Variants in COBL observed in about 807,000 individuals in gnomAD.
The protein encoded by COBL is protein cordon-bleu.
COBL carries 51 observed loss-of-function variants against 98.8 expected under a neutral mutation model. That is an observed-to-expected ratio of 0.52 (90% confidence interval 0.41 to 0.65). The LOEUF (loss-of-function observed/expected upper bound fraction) is 0.65, where lower values mean the gene tolerates loss of function less well. Ranked by LOEUF, COBL falls within the 30% of genes least tolerant of loss-of-function variation. The pLI is 0.00. For synonymous variants in COBL, 634 were observed against 651.7 expected (o/e 0.97, Z 0.41); for missense variants, 1,617 against 1,617.5 (o/e 1.00, Z 0.01).
Position 51,136,195 on chromosome 7 carries a change from C to G in COBL, c.920G>C (p.Gly307Ala). 6.2e-7 allele frequency: 1 copy of G among 1,612,888 alleles called. No individual in the cohort carries two copies. Among genetic ancestry groups the G allele is most frequent in the Non-Finnish European group, 8.5e-7 (1 of 1,180,002 alleles). The change falls in exon 6 of 13, where the codon GGT becomes GCT. Residue 307 changes from glycine to alanine, a missense_variant. This residue lies in a region of COBL where 1,304 missense variants were observed against 1,282.0 expected (regional missense o/e 1.02). Transcript: ENST00000265136. ...CTTGTCTTGCACAGGTGGCCCTGAA[C>G]CTGGAGGAGGAGGGGCTCGGCGCTT... ...MKKRRAPPPP[G>A]SGPPVQDKAS... is the part of the protein sequence containing the mutation.
chr7:51,316,669 C>T lies in COBL; in HGVS notation c.-36G>A. The T allele has an allele frequency of 3.4e-6, 4 of 1,189,240 alleles. No individual in the cohort carries two copies. The highest frequency in any genetic ancestry group is 4.2e-6 in the Non-Finnish European group (4 of 959,722). 73.7% of individuals were successfully genotyped at this position (1,189,240 alleles called of 1,614,324 possible). A position where few individuals can be genotyped will look rare whatever the true frequency, so the allele number is the denominator to read the frequency against. On this transcript the variant is annotated 5_prime_UTR_variant, in exon 1 of 13. Transcript: ENST00000265136. ...GCCGGGACGCGGGCGGTGCTCCGGGCCCGCCGAGTCAGGCGCTGGCTACCG... is the reference window on the plus strand; with the variant it reads ...GCCGGGACGCGGGCGGTGCTCCGGGTCCGCCGAGTCAGGCGCTGGCTACCG...
rs73697816 is a variant in COBL, at chr7:51,154,682, G to T, written c.784-18351C>A. On this transcript the variant is annotated intron_variant, in intron 5 of 12. Transcript: ENST00000265136. Reference sequence around the variant, plus strand: ...CACACATCCCAATCCCAACCTAAAGGTGTGGAGCCAGCAGGTAAGAGGAGA... The same window carrying T: ...CACACATCCCAATCCCAACCTAAAGTTGTGGAGCCAGCAGGTAAGAGGAGA... Among the ~76,000 whole-genome samples, 1,127 of 152,274 alleles carry T rather than the reference G, an allele frequency of 7.4e-3. 14 individuals are homozygous for T. Among genetic ancestry groups the T allele is most frequent in the African/African-American group, 0.026 (1,077 of 41,552 alleles).
chr7:51,233,246 C>T (rs894817061), intron 1 of COBL, among the ~76,000 whole-genome samples: 1 of 152,200 alleles, frequency 6.6e-6, no homozygotes, highest in Non-Finnish European at 1.5e-5. Flanking sequence ...GTGCTGCCTT[C>T]AGCTCAGAAG....
chr7:51,208,646 G>C (rs1792069724), intron 2 of COBL, among the ~76,000 whole-genome samples: 1 of 152,246 alleles, frequency 6.6e-6, no homozygotes, highest in African/African-American at 2.4e-5. Flanking sequence ...AAAAGACTGA[G>C]AAATCGGATG....
At chr7:51,067,763 T>C (rs1792091193) in intron 7 of COBL, among the ~76,000 whole-genome samples, 1 of 152,240 alleles carries the variant, frequency 6.6e-6, no homozygotes, top group Non-Finnish European at 1.5e-5. Context: ...CAACATAATA[T>C]TGGCATAAAT....
At chr7:51,170,936 A>G (rs987781914) in intron 5 of COBL, among the ~76,000 whole-genome samples, 15 of 152,150 alleles carry the variant, frequency 9.9e-5, no homozygotes, top group African/African-American at 2.4e-5. Flanking sequence ...CAAGGAAATA[A>G]TTAATGTTTG....
chr7:51,143,052 G>C (rs1329215376), intron 5 of COBL, among the ~76,000 whole-genome samples: 1 of 152,174 alleles, frequency 6.6e-6, no homozygotes, highest in East Asian at 1.9e-4. Context: ...GGGCATCAAA[G>C]GGGAAGGATA....
At chr7:51,098,914 A>G (rs559004611) in intron 6 of COBL, among the ~76,000 whole-genome samples, 7 of 152,190 alleles carry the variant, frequency 4.6e-5, no homozygotes, top group Admixed American at 4.6e-4. Context: ...AACAATGACA[A>G]TAAGCAAACA....
chr7:51,226,641 A>G (rs1794227647), intron 1 of COBL, among the ~76,000 whole-genome samples: 1 of 152,140 alleles, frequency 6.6e-6, no homozygotes, highest in Non-Finnish European at 1.5e-5. Context: ...CAGCAATAAT[A>G]AAAAGTCAGA....
At chr7:51,047,342 A>T (rs1379484702) in intron 7 of COBL, among the ~76,000 whole-genome samples, 1 of 152,176 alleles carries the variant, frequency 6.6e-6, no homozygotes, top group African/African-American at 2.4e-5. Context: ...CATGGTTCAG[A>T]GGCCATTACA....
chr7:51,231,050 G>A (rs1026345963), intron 1 of COBL, among the ~76,000 whole-genome samples: 1 of 152,212 alleles, frequency 6.6e-6, no homozygotes, highest in Non-Finnish European at 1.5e-5. Context: ...CAGCACCACC[G>A]CTAACTAGTG....
chr7:51,180,814 T>G (rs1788872739), intron 5 of COBL, among the ~76,000 whole-genome samples: 1 of 152,244 alleles, frequency 6.6e-6, no homozygotes, highest in Non-Finnish European at 1.5e-5. Context: ...ATGTTTTCAG[T>G]TGTTCCCTAA....
chr7:51,192,193 G>A (rs1402330539), intron 3 of COBL, among the ~76,000 whole-genome samples: 1 of 152,204 alleles, frequency 6.6e-6, no homozygotes, highest in African/African-American at 2.4e-5. Context: ...AAATTAATAG[G>A]AGATTAATGT....
rs1486885798 is a variant in COBL at position 51,016,414 on chromosome 7, T to C, written c.*1137A>G. ...CACCATACTTGTTTTCTCACTCAGA[T>C]ACACATTTTATTTCATCAACACATC... On this transcript the variant is annotated 3_prime_UTR_variant, in exon 13 of 13. Coordinates refer to ENST00000265136, the MANE Select transcript of COBL (RefSeq NM_015198.5). 6.6e-6 allele frequency: 1 copy of C among 152,308 alleles called. No homozygotes were observed. The highest frequency in any genetic ancestry group is 1.5e-5 in the Non-Finnish European group (1 of 68,096). 9.4% of individuals were successfully genotyped at this position (152,308 alleles called of 1,614,324 possible).
chr7:51,075,122 T>A (rs190363629), intron 7 of COBL, among the ~76,000 whole-genome samples: 1 of 152,246 alleles, frequency 6.6e-6, no homozygotes, highest in African/African-American at 2.4e-5. Flanking sequence ...CTTGGCTGAA[T>A]TGATCATGGT....
intron 6 of COBL, among the ~76,000 whole-genome samples, chr7:51,110,876 T>C (rs1440564435): frequency 6.6e-6 from 1 of 152,258 alleles, no homozygotes; most frequent in Non-Finnish European, 1.5e-5. Context: ...TTTATTCCTT[T>C]TTATGACTGC....
chr7:51,048,540 C>A (rs1397281833), intron 7 of COBL, among the ~76,000 whole-genome samples: 1 of 152,064 alleles, frequency 6.6e-6, no homozygotes, highest in Non-Finnish European at 1.5e-5. Flanking sequence ...CTTTAACAGG[C>A]AGAATTTTAG....
At chr7:51,264,457 G>T (rs933196724) in intron 1 of COBL, among the ~76,000 whole-genome samples, 5 of 152,104 alleles carry the variant, frequency 3.3e-5, no homozygotes, top group Non-Finnish European at 7.4e-5. Context: ...GATCACCTGA[G>T]GTGAGGAGTT....
intron 1 of COBL, among the ~76,000 whole-genome samples, chr7:51,223,258 C>T (rs971034172): frequency 1.3e-5 from 2 of 152,252 alleles, no homozygotes; most frequent in Admixed American, 6.5e-5. Flanking sequence ...TGTGTACATG[C>T]ATGTGTGTGT....
Sources: gnomAD v4.1 joint callset for allele counts (sites outside exome capture counted in the v4.1 genomes callset) on GRCh38, gnomAD v4.1.1 for gene constraint, gnomAD v4.1.1 regional missense constraint, MANE v1.5 for transcripts, NCBI Gene and HGNC (gene_info 2026-07-23, HGNC 2026-07-21) for gene names.